The following ZNF148 variants were observed in gnomAD, a reference collection of about 807,000 sequenced individuals.
The protein encoded by ZNF148 is Beta-Enolase Repressor Factor-1.
In ZNF148, 7 loss-of-function variants were observed where a neutral mutation model predicts 67.7. The observed-to-expected ratio is 0.10, with a 90% CI of 0.06 to 0.19. The LOEUF is 0.19. Ranked by LOEUF, ZNF148 falls within the 10% of genes least tolerant of loss-of-function variation. The pLI is 1.00. For missense variants in ZNF148, 583 were observed against 947.1 expected (o/e 0.62, Z 5.05); for synonymous variants, 333 against 330.7 (o/e 1.01, Z -0.08).
intron 1 of ZNF148, among the ~76,000 whole-genome samples, chr3:125,346,491 C>A (rs995624472): frequency 2.0e-5 from 3 of 152,128 alleles, no homozygotes; most frequent in Admixed American, 6.6e-5. Context: ...TGGTTCTGTA[C>A]CCCACCCAAA....
chr3:125,284,233 G>A (rs1158837141), intron 5 of ZNF148, among the ~76,000 whole-genome samples: 1 of 152,042 alleles, frequency 6.6e-6, no homozygotes. Context: ...TTCTGAGATG[G>A]AAACTGTTAC....
chr3:125,320,181 T>C (rs1434566185), intron 3 of ZNF148, among the ~76,000 whole-genome samples: 3 of 152,216 alleles, frequency 2.0e-5, no homozygotes, highest in Non-Finnish European at 4.4e-5. Flanking sequence ...CCTCCCTCTG[T>C]TTTCTCAAAG....
At chr3:125,341,405 G>C (rs1306138146) in intron 1 of ZNF148, among the ~76,000 whole-genome samples, 1 of 151,492 alleles carries the variant, frequency 6.6e-6, no homozygotes, top group East Asian at 1.9e-4. Context: ...GATCACTTCT[G>C]CTCAGGAGGG....
intron 4 of ZNF148, among the ~76,000 whole-genome samples, chr3:125,290,162 C>T (rs915085345): frequency 2.0e-5 from 3 of 152,168 alleles, no homozygotes; most frequent in African/African-American, 7.2e-5. Flanking sequence ...GGGCTTCCCA[C>T]TTTGATACTA....
intron 5 of ZNF148, 101 bp downstream of exon 5, chr3:125,288,002 C>A: frequency 6.5e-7 from 1 of 1,547,770 alleles, no homozygotes; most frequent in Non-Finnish European, 8.8e-7. Context: ...CCACACAAGA[C>A]TTCTACATCT....
chr3:125,304,269 G>C (rs1939753975), intron 4 of ZNF148, among the ~76,000 whole-genome samples: 1 of 152,124 alleles, frequency 6.6e-6, no homozygotes, highest in South Asian at 2.1e-4. Flanking sequence ...ATGAGGTGCT[G>C]GAGCCCAAGC....
intron 1 of ZNF148, among the ~76,000 whole-genome samples, chr3:125,345,785 C>T (rs1941918294): frequency 6.6e-6 from 1 of 151,880 alleles, no homozygotes. Context: ...TATAAATAAC[C>T]CCATAGCCAT....
intron 3 of ZNF148, among the ~76,000 whole-genome samples, chr3:125,321,907 G>A (rs1043764389): frequency 1.6e-4 from 24 of 149,182 alleles, no homozygotes; most frequent in African/African-American, 5.5e-4. Flanking sequence ...ACATGAGATG[G>A]GACTGTGCAC....
In ZNF148 at chr3:125,228,919, C is replaced by T. The variant is rs1312316077; in HGVS notation, c.*3422G>A. ...GGATTAAAGAAAGCAACAAACATAA[C>T]AAGAAATGTTTGTCTGCTTTAGTTT... On this transcript the variant is annotated 3_prime_UTR_variant, in exon 9 of 9. Transcript: ENST00000360647. The T allele has an allele frequency of 2.6e-5, 4 of 152,462 alleles. No individual in the cohort carries two copies. Among genetic ancestry groups the T allele is most frequent in the Non-Finnish European group, 5.9e-5 (4 of 67,986 alleles). 9.4% of individuals were successfully genotyped at this position (152,462 alleles called of 1,614,324 possible).
chr3:125,236,664 A>G (rs1233031755), intron 7 of ZNF148, among the ~76,000 whole-genome samples: 1 of 152,258 alleles, frequency 6.6e-6, no homozygotes. Context: ...ATGTAACTTC[A>G]GTAATTACTG....
intron 7 of ZNF148, among the ~76,000 whole-genome samples, chr3:125,256,503 C>G (rs1175197517): frequency 2.6e-5 from 4 of 151,762 alleles, no homozygotes; most frequent in African/African-American, 7.3e-5. Context: ...ATGGTGAAAC[C>G]CCATCTCTAT....
At chr3:125,371,397 T>C (rs1579927471) in intron 1 of ZNF148, among the ~76,000 whole-genome samples, 1 of 130,354 alleles carries the variant, frequency 7.7e-6, no homozygotes, top group Non-Finnish European at 1.6e-5. Flanking sequence ...CAGGGCGAAG[T>C]GGCTCACGCC....
chr3:125,253,831 C>CTAA (rs1936955234), intron 7 of ZNF148, among the ~76,000 whole-genome samples: 1 of 152,094 alleles, frequency 6.6e-6, no homozygotes, highest in Admixed American at 6.5e-5. Flanking sequence ...CTACATAGAA[C>CTAA]TCTTAAACCC....
At chr3:125,349,940 A>T (rs1942077375) in intron 1 of ZNF148, among the ~76,000 whole-genome samples, 1 of 152,238 alleles carries the variant, frequency 6.6e-6, no homozygotes, top group African/African-American at 2.4e-5. Flanking sequence ...AAAAAGATAC[A>T]TGAACTTGTA....
intron 1 of ZNF148, among the ~76,000 whole-genome samples, chr3:125,365,256 C>G (rs147407546): frequency 1.1e-3 from 171 of 152,166 alleles, no homozygotes; most frequent in African/African-American, 3.9e-3. Flanking sequence ...CCATTGCATA[C>G]AGTAAATATA....
At chr3:125,344,521 G>A (rs1028699464) in intron 1 of ZNF148, 4 of 1,133,554 alleles carry the variant, frequency 3.5e-6, no homozygotes, top group Admixed American at 1.7e-5. Flanking sequence ...GTTACAAAAT[G>A]TGAAGCCAAA....
At position 125,322,178 on chromosome 3, in the gene ZNF148, C is replaced by A. The variant is rs181527068; in HGVS notation, c.-17+1131G>T. On this transcript the variant is annotated intron_variant, in intron 3 of 8. Coordinates refer to ENST00000360647, the MANE Select transcript of ZNF148 (RefSeq NM_021964.3). ...CCGAGTAGCCGGGACTACAGGGGCC[C>A]ACCACCTCGCACGGCTAATTTTTTT... Among the ~76,000 whole-genome samples, 318 of 151,948 alleles carry A rather than the reference C, an allele frequency of 2.1e-3. 4 individuals are homozygous for A. Among genetic ancestry groups the A allele is most frequent in the African/African-American group, 7.0e-3 (289 of 41,402 alleles).
chr3:125,301,208 T>C (rs1369681847), intron 4 of ZNF148, among the ~76,000 whole-genome samples: 1 of 152,232 alleles, frequency 6.6e-6, no homozygotes. Context: ...GAGAAAGATG[T>C]AGACGTTCAA....
intron 1 of ZNF148, among the ~76,000 whole-genome samples, chr3:125,359,889 C>T (rs1043840425): frequency 6.6e-6 from 1 of 152,270 alleles, no homozygotes; most frequent in African/African-American, 2.4e-5. Flanking sequence ...CCACCCGCCA[C>T]CATGCAGCTC....
Sources: allele counts gnomAD v4.1 joint callset (sites outside exome capture counted in the v4.1 genomes callset), GRCh38; gene constraint gnomAD v4.1.1; transcripts MANE v1.5; gene names NCBI Gene and HGNC (gene_info 2026-07-23, HGNC 2026-07-21).